Variants in TMEM131 observed in about 807,000 individuals in gnomAD.
TMEM131 encodes the protein transmembrane protein 131.
A neutral mutation model predicts 211.6 loss-of-function variants in TMEM131; 66 were observed. The observed-to-expected ratio is 0.31, with a 90% CI of 0.26 to 0.38. The LOEUF (loss-of-function observed/expected upper bound fraction) is 0.38, where lower values mean the gene tolerates loss of function less well. TMEM131 is among the 10% of genes least tolerant of loss of function. The pLI is 1.00. For synonymous variants in TMEM131, 844 were observed against 841.3 expected (o/e 1.00, Z -0.06); for missense variants, 2,036 against 2,299.3 (o/e 0.89, Z 2.34).
At chr2:97,983,288 ACAGT>A (rs1443055163) in intron 1 of TMEM131, among the ~76,000 whole-genome samples, 3 of 152,178 alleles carry the variant, frequency 2.0e-5, no homozygotes, top group Admixed American at 6.5e-5. Context: ...AGTAGCAGTG[ACAGT>A]CAGCTACAAG....
At chr2:97,862,231 T>A (rs1389132378) in intron 4 of TMEM131, among the ~76,000 whole-genome samples, 1 of 152,068 alleles carries the variant, frequency 6.6e-6, no homozygotes, top group East Asian at 1.9e-4. Flanking sequence ...TCCTTCTGAA[T>A]ATCTGGAAAG....
intron 4 of TMEM131, among the ~76,000 whole-genome samples, chr2:97,862,454 G>A (rs1674108189): frequency 6.6e-6 from 1 of 152,058 alleles, no homozygotes; most frequent in Non-Finnish European, 1.5e-5. Context: ...CAAAATGGCT[G>A]TTTTGAGGAA....
chr2:97,775,836 C>T lies in TMEM131; in HGVS notation c.4320+7G>A, dbSNP rs1466271751. On this transcript the variant is annotated splice_region_variant and intron_variant, in intron 32 of 40. Transcript: ENST00000186436. ...CTCGTGTTTTGTTGTGTGAGATCAG[C>T]CCGTACCTCCTTGAGGAGCGGTTCT... The T allele has an allele frequency of 6.8e-6, 11 of 1,611,906 alleles. No homozygotes were observed. The highest frequency in any genetic ancestry group is 8.5e-6 in the Non-Finnish European group (10 of 1,179,204).
At chr2:97,950,313 T>C (rs1678249689) in intron 1 of TMEM131, among the ~76,000 whole-genome samples, 1 of 152,240 alleles carries the variant, frequency 6.6e-6, no homozygotes, top group South Asian at 2.1e-4. Flanking sequence ...TATAAAGATT[T>C]AAAAAGCTAC....
At chr2:97,901,238 G>A (rs927539356) in intron 3 of TMEM131, among the ~76,000 whole-genome samples, 1 of 152,074 alleles carries the variant, frequency 6.6e-6, no homozygotes, top group Admixed American at 6.6e-5. Flanking sequence ...TTTTAAATGG[G>A]GATATTTTTG....
intron 4 of TMEM131, among the ~76,000 whole-genome samples, chr2:97,874,799 T>A (rs559046830): frequency 6.6e-6 from 1 of 152,228 alleles, no homozygotes; most frequent in South Asian, 2.1e-4. Flanking sequence ...ATCAACACTA[T>A]GAAGAAACTG....
At chr2:97,797,999 C>T (rs530032187) in intron 25 of TMEM131, among the ~76,000 whole-genome samples, 12 of 152,366 alleles carry the variant, frequency 7.9e-5, no homozygotes, top group African/African-American at 2.9e-4. Flanking sequence ...CACTGCCACG[C>T]CACTCCTCCC....
At chr2:97,842,884 G>C (rs1207181420) in intron 6 of TMEM131, among the ~76,000 whole-genome samples, 1 of 152,074 alleles carries the variant, frequency 6.6e-6, no homozygotes, top group Non-Finnish European at 1.5e-5. Flanking sequence ...GATCTGTCTA[G>C]CACTTCAAAA....
At chr2:97,830,120 C>A (rs2105047144) in intron 11 of TMEM131, among the ~76,000 whole-genome samples, 1 of 117,480 alleles carries the variant, frequency 8.5e-6, no homozygotes, top group East Asian at 2.4e-4. Flanking sequence ...GAATTCTTCA[C>A]TCATTATCAG....
intron 3 of TMEM131, among the ~76,000 whole-genome samples, chr2:97,901,012 T>A (rs1190117605): frequency 6.6e-6 from 1 of 152,192 alleles, no homozygotes; most frequent in Admixed American, 6.5e-5. Context: ...TTTCTAAACA[T>A]ATACATTCAA....
chr2:97,900,248 T>C (rs1675795834), intron 3 of TMEM131, among the ~76,000 whole-genome samples: 1 of 152,144 alleles, frequency 6.6e-6, no homozygotes, highest in African/African-American at 2.4e-5. Flanking sequence ...TACTGTGCTT[T>C]GGCACCATCA....
At chr2:97,758,350 C>G (rs932422233) in intron 40 of TMEM131, among the ~76,000 whole-genome samples, 1 of 152,198 alleles carries the variant, frequency 6.6e-6, no homozygotes, top group African/African-American at 2.4e-5. Context: ...GCCAAAACCA[C>G]TAATTATTTT....
Position 97,792,847 on chromosome 2 carries a change from T to A in TMEM131, c.3683A>T (p.Asn1228Ile). Residue 1228 changes from asparagine (N) to isoleucine (I), a missense_variant, in exon 31 of 41, where the codon AAC becomes ATC. Asn to Ile is a moderately radical substitution (Grantham distance 149). This residue lies in a region of TMEM131 where 1,623 missense variants were observed against 1,805.9 expected (regional missense o/e 0.90). Transcript: ENST00000186436. ...VHPHSSHSNR[N>I]SADVENVRAK... The stretch of plus-strand genomic sequence containing the variant: ...TCTGACGTTTTCCACGTCAGCTGAG[T>A]TTCTATTGCTGTGACTGCTGTGTGG... 1.9e-6 allele frequency: 3 copies of A among 1,613,734 alleles called. No homozygotes were observed. Among genetic ancestry groups the A allele is most frequent in the Non-Finnish European group, 2.5e-6 (3 of 1,179,842 alleles).
rs372372078 is a variant in TMEM131 at position 97,757,381 on chromosome 2, C to T, written c.5370G>A (p.Ser1790=). Residue 1790 remains serine, a splice_region_variant and synonymous_variant, in exon 41 of 41, where the codon TCG becomes TCA. Coordinates refer to ENST00000186436, the MANE Select transcript of TMEM131 (RefSeq NM_015348.2). The part of the protein sequence containing the change: ...SSGSPTHTAT[S]VLGNTSGLWS... Reference sequence around the variant, plus strand: ...ACAGGCCGCTGGTGTTACCGAGGACCGACTGCGACAAAACAGAAAGCGTCC... The same window carrying T: ...ACAGGCCGCTGGTGTTACCGAGGACTGACTGCGACAAAACAGAAAGCGTCC... The T allele has an allele frequency of 1.0e-5, 16 of 1,589,522 alleles. No homozygotes were observed. Among genetic ancestry groups the T allele is most frequent in the Middle Eastern group, 1.7e-4 (1 of 5,782 alleles).
intron 11 of TMEM131, among the ~76,000 whole-genome samples, chr2:97,821,561 C>T (rs2105009089): frequency 6.6e-6 from 1 of 152,272 alleles, no homozygotes; most frequent in South Asian, 2.1e-4. Flanking sequence ...CGAAGGTCTG[C>T]GGCTTCACTC....
intron 11 of TMEM131, among the ~76,000 whole-genome samples, chr2:97,822,472 A>G (rs1224218417): frequency 6.6e-6 from 1 of 152,206 alleles, no homozygotes; most frequent in Non-Finnish European, 1.5e-5. Context: ...TTTGGGGCAT[A>G]ACATCTTTAT....
intron 31 of TMEM131, among the ~76,000 whole-genome samples, chr2:97,780,595 TC>T (rs1254782467): frequency 1.3e-5 from 2 of 152,154 alleles, no homozygotes. Context: ...CTCCAGCCTA[TC>T]CCTAACTCTT....
In TMEM131 at chr2:97,759,003, T is replaced by C; in HGVS notation, c.5257A>G (p.Arg1753Gly). 1 of 1,614,066 alleles carries C rather than the reference T, an allele frequency of 6.2e-7. No individual in the cohort carries two copies. Among genetic ancestry groups the C allele is most frequent in the East Asian group, 2.2e-5 (1 of 44,878 alleles). Residue 1753 changes from arginine to glycine, a missense_variant, in exon 40 of 41, where the codon AGG becomes GGG. This residue lies in a region of TMEM131 where 1,623 missense variants were observed against 1,805.9 expected (regional missense o/e 0.90). Transcript: ENST00000186436. Reference protein sequence around the residue: ...LSRSCNQASQRSWNEFNSGPS... With the variant: ...LSRSCNQASQGSWNEFNSGPS... Reference sequence around the variant, plus strand: ...CCACTATTAAACTCGTTCCAGCTCCTCTGTGAGGCCTGATTGCACGATCGA... The same window carrying C: ...CCACTATTAAACTCGTTCCAGCTCCCCTGTGAGGCCTGATTGCACGATCGA...
chr2:97,889,884 T>A (rs1675310556), intron 3 of TMEM131, among the ~76,000 whole-genome samples: 1 of 152,010 alleles, frequency 6.6e-6, no homozygotes, highest in Admixed American at 6.6e-5. Flanking sequence ...AACCTCCTAG[T>A]AGGGGGAACA....
Sources: allele counts gnomAD v4.1 joint callset (sites outside exome capture counted in the v4.1 genomes callset), GRCh38; gene constraint gnomAD v4.1.1; regional missense constraint gnomAD v4.1.1; transcripts MANE v1.5; gene names NCBI Gene and HGNC (gene_info 2026-07-23, HGNC 2026-07-21).